The following PSMB2 variants were observed in gnomAD, a reference collection of about 807,000 sequenced individuals.
PSMB2 encodes the protein proteasome subunit beta type-2.
A neutral mutation model predicts 25.7 loss-of-function variants in PSMB2; 13 were observed. The ratio of observed to expected loss-of-function variants is 0.51; its 90% CI spans 0.33 to 0.80. The LOEUF is 0.80. Ranked by LOEUF, PSMB2 falls within the 30% of genes least tolerant of loss-of-function variation. PSMB2 has a pLI of 0.02. For synonymous variants in PSMB2, 87 were observed against 96.2 expected (o/e 0.90, Z 0.56); for missense variants, 202 against 259.0 (o/e 0.78, Z 1.51).
chr1:35,615,662 C>A (rs1217429675), intron 3 of PSMB2, among the ~76,000 whole-genome samples: 1 of 152,118 alleles, frequency 6.6e-6, no homozygotes, highest in African/African-American at 2.4e-5. Context: ...GAGGAAGCAT[C>A]CTGCCAAGCG....
At chr1:35,625,806 T>G (rs1186125388) in intron 3 of PSMB2, among the ~76,000 whole-genome samples, 1 of 151,806 alleles carries the variant, frequency 6.6e-6, no homozygotes, top group African/African-American at 2.4e-5. Context: ...CATCATCCTC[T>G]GACATTAGTC....
rs1308703866 is a variant in PSMB2 at position 35,626,138 on chromosome 1, G to A, written c.285+5136C>T. Among the ~76,000 whole-genome samples the A allele has an allele frequency of 2.6e-5, 4 of 152,184 alleles. No homozygotes were observed. In the East Asian group the frequency reaches 5.8e-4, roughly 22 times the overall value. ...CCGGCATGAGCCACTGTGCCTGGCC[G>A]AAGAAAGCAAGCCTTGAGCATAGTA... is the stretch of plus-strand genomic sequence containing the variant. On this transcript the variant is annotated intron_variant, in intron 3 of 5. Coordinates refer to ENST00000373237, the MANE Select transcript of PSMB2 (RefSeq NM_002794.5).
In PSMB2 at chr1:35,636,306, C is replaced by A; in HGVS notation, c.214+4G>T. On this transcript the variant is annotated splice_donor_region_variant and intron_variant, in intron 2 of 5. Transcript: ENST00000373237. ...TGCCAACTAAAACTGTAAGTCTTAC[C>A]CACCATTTCGCATCTTATAAAGTTG... 1 of 1,613,832 alleles carries A rather than the reference C, an allele frequency of 6.2e-7. No individual in the cohort carries two copies. The highest frequency in any genetic ancestry group is 8.5e-7 in the Non-Finnish European group (1 of 1,179,894).
intron 3 of PSMB2, among the ~76,000 whole-genome samples, chr1:35,626,666 C>T (rs963222101): frequency 6.6e-6 from 1 of 152,146 alleles, no homozygotes; most frequent in Non-Finnish European, 1.5e-5. Flanking sequence ...TATATATGTG[C>T]TTTGGAAACA....
At chr1:35,610,137 C>G (rs1158767175) in intron 3 of PSMB2, among the ~76,000 whole-genome samples, 1 of 152,168 alleles carries the variant, frequency 6.6e-6, no homozygotes, top group Admixed American at 6.5e-5. Context: ...TGCATGCCCA[C>G]TACTAAAGAA....
intron 1 of PSMB2, among the ~76,000 whole-genome samples, chr1:35,639,511 A>G (rs1268926515): frequency 2.6e-5 from 4 of 152,198 alleles, no homozygotes; most frequent in Admixed American, 2.6e-4. Flanking sequence ...TACTTCTTTT[A>G]TTATATAAAA....
rs111302126 is a variant in PSMB2 at position 35,613,495 on chromosome 1, C to T, written c.286-4087G>A. On this transcript the variant is annotated intron_variant, in intron 3 of 5. Coordinates refer to ENST00000373237, the MANE Select transcript of PSMB2 (RefSeq NM_002794.5). ...CACTGTACTACAGACTGACTAGCAA[C>T]AGAGTAAGACCCTATTTCTACCAAA... 1.9e-3 allele frequency among the ~76,000 whole-genome samples: 282 copies of T among 152,200 alleles called. 4 individuals carry two copies. Among genetic ancestry groups the T allele is most frequent in the African/African-American group, 6.3e-3 (262 of 41,506 alleles).
intron 2 of PSMB2, among the ~76,000 whole-genome samples, chr1:35,632,291 T>A (rs77798224): frequency 0.011 from 1,661 of 152,300 alleles, 40 homozygotes; most frequent in African/African-American, 0.038. Context: ...CAGGTGTGCA[T>A]GTAATAACGC....
In PSMB2 at chr1:35,609,409, C is replaced by A; in HGVS notation, c.286-1G>T. 6.6e-7 allele frequency: 1 copy of A among 1,514,178 alleles called. No homozygotes were observed. Among genetic ancestry groups the A allele is most frequent in the South Asian group, 1.3e-5 (1 of 77,590 alleles). The allele number at this position is 1,514,178 out of a possible 1,614,324, so 93.8% of individuals were successfully genotyped here. A position where few individuals can be genotyped will look rare whatever the true frequency, so the allele number is the denominator to read the frequency against. Reference sequence around the variant, plus strand: ...GGAGGAGGTTCACATGATATGGGGTCTGCAAAGAAAAGATATGGCAAAGTG... The same window carrying A: ...GGAGGAGGTTCACATGATATGGGGTATGCAAAGAAAAGATATGGCAAAGTG... On this transcript the variant is annotated splice_acceptor_variant, in intron 3 of 5. Coordinates refer to ENST00000373237, the MANE Select transcript of PSMB2 (RefSeq NM_002794.5). LOFTEE classifies it high-confidence loss of function.
Position 35,613,889 on chromosome 1 carries a change from T to C in PSMB2, c.286-4481A>G, listed in dbSNP as rs564768342. On this transcript the variant is annotated intron_variant, in intron 3 of 5. Coordinates refer to ENST00000373237, the MANE Select transcript of PSMB2 (RefSeq NM_002794.5). ...CTGCAGTGAGGATTCCAAAAGATAATGCATGTGGATAATAAGTGTAATGCC... is the reference window on the plus strand; with the variant it reads ...CTGCAGTGAGGATTCCAAAAGATAACGCATGTGGATAATAAGTGTAATGCC... 9.8e-5 allele frequency among the ~76,000 whole-genome samples: 15 copies of C among 152,328 alleles called. No homozygotes were observed. In the South Asian group the frequency reaches 3.1e-3, roughly 32 times the overall value.
At chr1:35,631,449 C>T (rs1651095082) in intron 2 of PSMB2, 105 bp from the exon 3 acceptor site, 1 of 1,554,082 alleles carries the variant, frequency 6.4e-7, no homozygotes. Context: ...CTTTTGTACA[C>T]TCAGAGTAAA....
Position 35,600,904 on chromosome 1 carries a change from T to C in PSMB2, c.*2363A>G, listed in dbSNP as rs998260161. 6.1e-6 allele frequency: 6 copies of C among 984,488 alleles called. No individual in the cohort carries two copies. The African/African-American group carries it at 1.0e-4, about 17-fold the overall frequency. The allele number at this position is 984,488 out of a possible 1,614,324, so 61.0% of individuals were successfully genotyped here. On this transcript the variant is annotated 3_prime_UTR_variant, in exon 6 of 6. Coordinates refer to ENST00000373237, the MANE Select transcript of PSMB2 (RefSeq NM_002794.5). ...ACCACATGCCAAGCCCTGAACTAAA[T>C]GTTTACCTATATTACTTCATGGAAT...
chr1:35,620,885 C>T (rs1246118341), intron 3 of PSMB2, among the ~76,000 whole-genome samples: 1 of 151,878 alleles, frequency 6.6e-6, no homozygotes, highest in Non-Finnish European at 1.5e-5. Flanking sequence ...AGGCTGGTCT[C>T]GAACTCCTGG....
chr1:35,600,500 A>T lies in PSMB2; in HGVS notation c.*2767T>A. The T allele has an allele frequency of 1.0e-6, 1 of 980,390 alleles. No individual in the cohort carries two copies. The highest frequency in any genetic ancestry group is 1.7e-5 in the African/African-American group (1 of 57,252). 60.7% of individuals were successfully genotyped at this position (980,390 alleles called of 1,614,324 possible). On this transcript the variant is annotated 3_prime_UTR_variant, in exon 6 of 6. Coordinates refer to ENST00000373237, the MANE Select transcript of PSMB2 (RefSeq NM_002794.5). ...TTCTGTAAAACCAAATTTATTCCAA[A>T]ATAAAACATTTATTAAAAATAAATG...
chr1:35,621,372 T>C (rs1421228133), intron 3 of PSMB2, among the ~76,000 whole-genome samples: 1 of 152,224 alleles, frequency 6.6e-6, no homozygotes, highest in Non-Finnish European at 1.5e-5. Flanking sequence ...GCACCTTTGT[T>C]TCCTCAGCCC....
intron 3 of PSMB2, among the ~76,000 whole-genome samples, chr1:35,629,200 T>C (rs561224296): frequency 6.6e-6 from 1 of 152,332 alleles, no homozygotes; most frequent in Non-Finnish European, 1.5e-5. Context: ...AAGCATTCAT[T>C]TTCCTGGCAC....
intron 3 of PSMB2, 34 bp downstream of exon 3, chr1:35,631,230 AGGATTTTTCT>A: frequency 6.3e-7 from 1 of 1,579,312 alleles, no homozygotes. Context: ...AGAAGCACAA[AGGATTTTTCT>A]GCTCTATCTA....
rs1281281920 is a variant in PSMB2, at chr1:35,635,273, AT to A, written c.214+1036del. On this transcript the variant is annotated intron_variant, in intron 2 of 5. Coordinates refer to ENST00000373237, the MANE Select transcript of PSMB2 (RefSeq NM_002794.5). Reference sequence around the variant, plus strand: ...AAACTCCATCTCAAAAAAAAAAAAAATTTTTTTTTTTTTTGTAGAGATGAGG... The same window carrying A: ...AAACTCCATCTCAAAAAAAAAAAAAATTTTTTTTTTTTTGTAGAGATGAGG... Among the ~76,000 whole-genome samples, 64 of 137,004 alleles carry A rather than the reference AT, an allele frequency of 4.7e-4. 1 individual carries two copies. Among genetic ancestry groups the A allele is most frequent in the South Asian group, 2.4e-3 (10 of 4,142 alleles). 89.9% of individuals were successfully genotyped at this position (137,004 alleles called of 152,430 possible). A position where few individuals can be genotyped will look rare whatever the true frequency, so the allele number is the denominator to read the frequency against.
At chr1:35,624,341 C>T (rs1010899460) in intron 3 of PSMB2, among the ~76,000 whole-genome samples, 3 of 152,144 alleles carry the variant, frequency 2.0e-5, no homozygotes, top group African/African-American at 4.8e-5. Context: ...CCTCCTATTG[C>T]AGGGCTCTTT....
Sources: gnomAD v4.1 joint callset for allele counts (sites outside exome capture counted in the v4.1 genomes callset) on GRCh38, gnomAD v4.1.1 for gene constraint, MANE v1.5 for transcripts, NCBI Gene and HGNC (gene_info 2026-07-23, HGNC 2026-07-21) for gene names.